The following INO80C variants were observed in gnomAD, a reference collection of about 807,000 sequenced individuals.
INO80C encodes INO80 complex subunit C.
INO80C carries 17 observed loss-of-function variants against 17.7 expected under a neutral mutation model. The ratio of observed to expected loss-of-function variants is 0.96; its 90% CI spans 0.66 to 1.44. The LOEUF is 1.44. INO80C is among the 40% of genes most tolerant of loss of function. The pLI is 0.00. For synonymous variants in INO80C, 96 were observed against 95.8 expected (o/e 1.00, Z -0.01); for missense variants, 244 against 245.0 (o/e 1.00, Z 0.03).
At chr18:35,497,405 G>A (rs2045994415) in intron 1 of INO80C, 1 of 1,115,232 alleles carries the variant, frequency 9.0e-7, no homozygotes. Flanking sequence ...GCAAATTTCT[G>A]AATGACTGAC....
intron 4 of INO80C, among the ~76,000 whole-genome samples, chr18:35,476,935 TATAG>T (rs1398361666): frequency 6.6e-6 from 1 of 152,112 alleles, no homozygotes; most frequent in Non-Finnish European, 1.5e-5. Flanking sequence ...ACTTTAAATA[TATAG>T]ATAGTTTAAA....
intron 1 of INO80C, chr18:35,489,097 A>G (rs2045907606): frequency 5.7e-6 from 1 of 175,084 alleles, no homozygotes; most frequent in African/African-American, 2.4e-5. Context: ...ACAAGTCTCT[A>G]GGAGGTTCCA....
chr18:35,477,797 T>C (rs952946613), intron 4 of INO80C, among the ~76,000 whole-genome samples: 5 of 152,206 alleles, frequency 3.3e-5, no homozygotes, highest in Non-Finnish European at 5.9e-5. Flanking sequence ...CAGATCCACA[T>C]GGGACCACAG....
At chr18:35,485,600 C>T (rs775420888) in intron 1 of INO80C, among the ~76,000 whole-genome samples, 5 of 151,342 alleles carry the variant, frequency 3.3e-5, no homozygotes, top group South Asian at 2.1e-4. Flanking sequence ...CTGGTAAGAA[C>T]GTAAAATGGT....
intron 4 of INO80C, among the ~76,000 whole-genome samples, chr18:35,477,400 TCTC>T (rs1171461304): frequency 2.0e-5 from 3 of 152,154 alleles, no homozygotes; most frequent in East Asian, 1.9e-4. Flanking sequence ...AGGAGGCAAT[TCTC>T]CTCCGTACAT....
intron 4 of INO80C, among the ~76,000 whole-genome samples, chr18:35,469,376 CCT>C (rs1392577232): frequency 6.6e-6 from 1 of 152,208 alleles, no homozygotes; most frequent in Non-Finnish European, 1.5e-5. Flanking sequence ...AGGCCCAAGT[CCT>C]CAGTGCAGCT....
intron 1 of INO80C, among the ~76,000 whole-genome samples, chr18:35,488,050 T>C (rs772945707): frequency 6.6e-6 from 1 of 152,210 alleles, no homozygotes; most frequent in Non-Finnish European, 1.5e-5. Flanking sequence ...TGGGTTCCCA[T>C]GGTCTTGGGC....
rs773437597 is a variant in INO80C, at chr18:35,497,729, C to G, written c.146G>C (p.Ser49Thr). Residue 49 changes from serine to threonine, a missense_variant, in exon 1 of 5, where the codon AGC (serine) becomes ACC (threonine). Transcript: ENST00000334598. Reference protein sequence around the residue: ...ASKKKKASASSFAQGISMEAM... With the variant: ...ASKKKKASASTFAQGISMEAM... ...AGCGCGACTGCGTACCTGCGCAAAG[C>G]TGGAAGCGGACGCTTTTTTCTTCTT... 1.2e-6 allele frequency: 2 copies of G among 1,612,296 alleles called. No individual in the cohort carries two copies. Among genetic ancestry groups the G allele is most frequent in the South Asian group, 1.1e-5 (1 of 91,004 alleles).
At chr18:35,496,940 C>T (rs2045988018) in intron 1 of INO80C, 1 of 152,252 alleles carries the variant, frequency 6.6e-6, no homozygotes, top group Non-Finnish European at 1.5e-5. Flanking sequence ...CAATCACCTA[C>T]AGAAGAAGGA....
chr18:35,488,565 C>G (rs948231145), intron 1 of INO80C, among the ~76,000 whole-genome samples: 1 of 152,164 alleles, frequency 6.6e-6, no homozygotes, highest in Non-Finnish European at 1.5e-5. Flanking sequence ...CAGAGGGGTC[C>G]CTGGGTCAGT....
intron 4 of INO80C, among the ~76,000 whole-genome samples, chr18:35,472,746 T>A (rs1567978141): frequency 6.6e-6 from 1 of 152,224 alleles, no homozygotes; most frequent in South Asian, 2.1e-4. Flanking sequence ...CCCATTTCTG[T>A]TTGTTGGTGC....
chr18:35,486,215 C>T (rs761712339), intron 1 of INO80C, among the ~76,000 whole-genome samples: 20 of 152,142 alleles, frequency 1.3e-4, no homozygotes, highest in Admixed American at 3.3e-4. Context: ...TGCTCTGTCA[C>T]GGATAAATCT....
At chr18:35,484,764 C>T (rs1334467217) in intron 1 of INO80C, among the ~76,000 whole-genome samples, 1 of 152,142 alleles carries the variant, frequency 6.6e-6, no homozygotes, top group African/African-American at 2.4e-5. Flanking sequence ...GGAACCAATC[C>T]AGCACATATA....
At position 35,497,707 on chromosome 18, in the gene INO80C, G is replaced by C. The variant is rs764819630; in HGVS notation, c.156+12C>G. 2 of 1,608,836 alleles carry C rather than the reference G, an allele frequency of 1.2e-6. No homozygotes were observed. Among genetic ancestry groups the C allele is most frequent in the Non-Finnish European group, 1.7e-6 (2 of 1,177,900 alleles). On this transcript the variant is annotated intron_variant, in intron 1 of 4. Transcript: ENST00000334598. ...CGACGCGCACGCGCAGCCTGGGAGC[G>C]CGACTGCGTACCTGCGCAAAGCTGG...
intron 4 of INO80C, among the ~76,000 whole-genome samples, chr18:35,472,912 C>T (rs886701973): frequency 6.6e-6 from 1 of 152,122 alleles, no homozygotes; most frequent in African/African-American, 2.4e-5. Flanking sequence ...GTGGGATTGT[C>T]CTTTAATGAA....
intron 4 of INO80C, among the ~76,000 whole-genome samples, chr18:35,476,701 T>C (rs1186512704): frequency 2.0e-5 from 3 of 152,180 alleles, no homozygotes; most frequent in Non-Finnish European, 4.4e-5. Context: ...ATTGATAGAC[T>C]GGATAAAAAG....
At chr18:35,485,194 G>C (rs2045858601) in intron 1 of INO80C, among the ~76,000 whole-genome samples, 1 of 151,914 alleles carries the variant, frequency 6.6e-6, no homozygotes, top group African/African-American at 2.4e-5. Flanking sequence ...TAAATACTGG[G>C]GGCATGGGGG....
chr18:35,484,199 T>C (rs572871011), intron 1 of INO80C, among the ~76,000 whole-genome samples: 137 of 152,278 alleles, frequency 9.0e-4, no homozygotes, highest in African/African-American at 3.1e-3. Flanking sequence ...CTAAGATACA[T>C]AGCAAATGTA....
chr18:35,489,234 C>T (rs138840189), intron 1 of INO80C: 57 of 221,278 alleles, frequency 2.6e-4, no homozygotes, highest in East Asian at 1.2e-3. Context: ...CCCACTCTAC[C>T]GGTACCAATT....
Sources: gnomAD v4.1 joint callset for allele counts (sites outside exome capture counted in the v4.1 genomes callset) on GRCh38, gnomAD v4.1.1 for gene constraint, MANE v1.5 for transcripts, NCBI Gene and HGNC (gene_info 2026-07-23, HGNC 2026-07-21) for gene names.